FAM227B: variants seen among roughly 807,000 people sequenced by gnomAD.
The protein encoded by FAM227B is protein FAM227B.
A neutral mutation model predicts 73.8 loss-of-function variants in FAM227B; 88 were observed. The observed-to-expected ratio is 1.19, with a 90% confidence interval of 1.00 to 1.42. The LOEUF is 1.42. FAM227B is among the 40% of genes most tolerant of loss of function. FAM227B has a pLI of 0.00. For synonymous variants in FAM227B, 210 were observed against 190.5 expected (o/e 1.10, Z -0.84); for missense variants, 632 against 590.9 (o/e 1.07, Z -0.72).
chr15:49,349,098 G>A (rs2041908499), intron 13 of FAM227B, among the ~76,000 whole-genome samples: 1 of 152,178 alleles, frequency 6.6e-6, no homozygotes, highest in Non-Finnish European at 1.5e-5. Context: ...TTAATAACAA[G>A]TTGGTGAATT....
intron 11 of FAM227B, among the ~76,000 whole-genome samples, chr15:49,384,210 C>CAGTT (rs2046727848): frequency 6.6e-6 from 1 of 152,072 alleles, no homozygotes; most frequent in Admixed American, 6.6e-5. Flanking sequence ...ATCCATTACA[C>CAGTT]AGTTCAAGCC....
intron 3 of FAM227B, among the ~76,000 whole-genome samples, chr15:49,596,086 G>T (rs1320363552): frequency 6.6e-6 from 1 of 151,982 alleles, no homozygotes; most frequent in Non-Finnish European, 1.5e-5. Context: ...TAGAAATCTA[G>T]ACATGCAAAC....
chr15:49,380,994 A>C (rs2046494472), intron 11 of FAM227B, among the ~76,000 whole-genome samples: 2 of 152,204 alleles, frequency 1.3e-5, no homozygotes, highest in Admixed American at 1.3e-4. Flanking sequence ...CGCCTCAGGG[A>C]GATTACAATC....
chr15:49,615,234 G>C lies in FAM227B; in HGVS notation c.-63C>G, dbSNP rs2078214071. 6.7e-7 allele frequency: 1 copy of C among 1,484,120 alleles called. No individual in the cohort carries two copies. The highest frequency in any genetic ancestry group is 9.4e-7 in the Non-Finnish European group (1 of 1,061,828). The allele number at this position is 1,484,120 out of a possible 1,614,324, so 91.9% of individuals were successfully genotyped here. A position where few individuals can be genotyped will look rare whatever the true frequency, so the allele number is the denominator to read the frequency against. ...GGGTCTTAGGCTTCAATGTGAGTTG[G>C]GCGACCAAACTGGGGTATGAAAGAC... On this transcript the variant is annotated 5_prime_UTR_variant, in exon 2 of 16. Coordinates refer to ENST00000299338, the MANE Select transcript of FAM227B (RefSeq NM_152647.3).
rs570216185 is a variant in FAM227B at position 49,396,755 on chromosome 15, A to C, written c.1013-25356T>G. 1.9e-3 allele frequency among the ~76,000 whole-genome samples: 286 copies of C among 147,084 alleles called. 5 individuals are homozygous for C. Among genetic ancestry groups the C allele is most frequent in the African/African-American group, 6.6e-3 (272 of 41,224 alleles). ...GGGGCACACTGACACCTCACACGGCAGGGTACTCCAACAGACCTGCGGCTG... is the reference window on the plus strand; with the variant it reads ...GGGGCACACTGACACCTCACACGGCCGGGTACTCCAACAGACCTGCGGCTG... On this transcript the variant is annotated intron_variant, in intron 11 of 15. Coordinates refer to ENST00000299338, the MANE Select transcript of FAM227B (RefSeq NM_152647.3).
Position 49,367,449 on chromosome 15 carries a change from G to A in FAM227B, c.1270C>T (p.Pro424Ser), listed in dbSNP as rs1248972141. The part of the protein sequence containing the change: ...KIKLTKIFQE[P>S]LPAPTYRDVI... ...AAAGCAAAGCTTTAAAAAGGATATG[G>A]TTCCTGGAATATCTTAGTGAGTTTA... The change falls in exon 13 of 16, where the codon CCA (proline) becomes TCA (serine). Residue 424 changes from proline to serine, a missense_variant and splice_region_variant. Physicochemically the swap from Pro to Ser is moderately conservative, Grantham distance 74. Transcript: ENST00000299338. 1.9e-6 allele frequency: 3 copies of A among 1,566,992 alleles called. No individual in the cohort carries two copies. Among genetic ancestry groups the A allele is most frequent in the Non-Finnish European group, 2.6e-6 (3 of 1,167,268 alleles).
intron 11 of FAM227B, among the ~76,000 whole-genome samples, chr15:49,381,176 A>C (rs2046509976): frequency 6.6e-6 from 1 of 152,134 alleles, no homozygotes; most frequent in South Asian, 2.1e-4. Flanking sequence ...TTCATGAAGG[A>C]TCTGCCCCCG....
At chr15:49,418,275 C>T (rs1379141476) in intron 11 of FAM227B, among the ~76,000 whole-genome samples, 5 of 152,132 alleles carry the variant, frequency 3.3e-5, no homozygotes, top group Non-Finnish European at 7.4e-5. Flanking sequence ...GAACTAAAGA[C>T]ACAATTGCCA....
At chr15:49,517,328 G>T (rs2152140643) in intron 10 of FAM227B, among the ~76,000 whole-genome samples, 1 of 152,224 alleles carries the variant, frequency 6.6e-6, no homozygotes, top group East Asian at 1.9e-4. Flanking sequence ...TCCTGAAGAA[G>T]AATATATGAT....
At chr15:49,397,635 C>G (rs1399045987) in intron 11 of FAM227B, among the ~76,000 whole-genome samples, 1 of 152,166 alleles carries the variant, frequency 6.6e-6, no homozygotes, top group Non-Finnish European at 1.5e-5. Flanking sequence ...GTCCATCAGA[C>G]TAACAGCGGA....
At chr15:49,415,952 C>T (rs927016089) in intron 11 of FAM227B, among the ~76,000 whole-genome samples, 5 of 152,122 alleles carry the variant, frequency 3.3e-5, no homozygotes, top group South Asian at 2.1e-4. Context: ...TTTGGGTTGA[C>T]GTGTCCATAC....
chr15:49,606,768 G>C (rs1380767246), intron 3 of FAM227B, among the ~76,000 whole-genome samples: 2 of 152,056 alleles, frequency 1.3e-5, no homozygotes, highest in Non-Finnish European at 2.9e-5. Flanking sequence ...GCCTTGTTTT[G>C]GCCACCAGAT....
intron 13 of FAM227B, among the ~76,000 whole-genome samples, chr15:49,356,083 G>A (rs1227857282): frequency 1.3e-5 from 2 of 150,086 alleles, no homozygotes; most frequent in African/African-American, 2.5e-5. Context: ...AAGAGCTCCT[G>A]AAGGAAGCAC....
chr15:49,329,377 T>C, intron 15 of FAM227B: 2 of 985,336 alleles, frequency 2.0e-6, no homozygotes, highest in Non-Finnish European at 2.4e-6. Flanking sequence ...ACTCAGGTAA[T>C]TGAGATAGCA....
chr15:49,616,604 T>G (rs1866365341), intron 1 of FAM227B, among the ~76,000 whole-genome samples: 1 of 152,168 alleles, frequency 6.6e-6, no homozygotes, highest in East Asian at 1.9e-4. Flanking sequence ...TGATGGCACC[T>G]TGGTCTTGGA....
chr15:49,347,095 T>G (rs1021933964), intron 13 of FAM227B, among the ~76,000 whole-genome samples: 1 of 152,230 alleles, frequency 6.6e-6, no homozygotes, highest in African/African-American at 2.4e-5. Context: ...GCAGTTCTAG[T>G]AAGTTTCACT....
At chr15:49,606,959 A>T (rs2077561522) in intron 3 of FAM227B, among the ~76,000 whole-genome samples, 1 of 152,224 alleles carries the variant, frequency 6.6e-6, no homozygotes, top group African/African-American at 2.4e-5. Flanking sequence ...TTAAAAGTTT[A>T]TGAATAAGAG....
intron 13 of FAM227B, among the ~76,000 whole-genome samples, chr15:49,345,771 T>A (rs558900876): frequency 1.5e-3 from 233 of 152,314 alleles, no homozygotes; most frequent in African/African-American, 5.5e-3. Context: ...GACTCTGGGG[T>A]CTTTCATCTC....
At chr15:49,400,912 A>G (rs1172380564) in intron 11 of FAM227B, among the ~76,000 whole-genome samples, 1 of 151,988 alleles carries the variant, frequency 6.6e-6, no homozygotes, top group Non-Finnish European at 1.5e-5. Flanking sequence ...AAGAAAACCT[A>G]GGCATTACCA....
Sources: allele counts gnomAD v4.1 joint callset (sites outside exome capture counted in the v4.1 genomes callset), GRCh38; gene constraint gnomAD v4.1.1; transcripts MANE v1.5; gene names NCBI Gene and HGNC (gene_info 2026-07-23, HGNC 2026-07-21).